Variants in SPATS2 observed in about 807,000 individuals in gnomAD.
SPATS2 encodes the protein spermatogenesis associated serine rich 2.
A neutral mutation model predicts 63.7 loss-of-function variants in SPATS2; 38 were observed. The ratio of observed to expected loss-of-function variants is 0.60; its 90% CI spans 0.46 to 0.78. SPATS2 has a LOEUF of 0.78. SPATS2 is among the 30% of genes least tolerant of loss of function. The probability of loss-of-function intolerance (pLI) is 0.00; values close to 1 mark genes in which losing one functional copy is unlikely to be tolerated. For missense variants in SPATS2, 588 were observed against 666.2 expected (o/e 0.88, Z 1.29); for synonymous variants, 207 against 232.9 (o/e 0.89, Z 1.01).
At chr12:49,505,401 A>G (rs939465516) in intron 9 of SPATS2, among the ~76,000 whole-genome samples, 2 of 152,198 alleles carry the variant, frequency 1.3e-5, no homozygotes, top group African/African-American at 4.8e-5. Flanking sequence ...CTGTGAAAAT[A>G]ATTACAGGTT....
intron 2 of SPATS2, among the ~76,000 whole-genome samples, chr12:49,437,845 G>A (rs1041353196): frequency 7.3e-5 from 11 of 151,280 alleles, no homozygotes; most frequent in African/African-American, 2.7e-4. Flanking sequence ...GAGACCGTGG[G>A]GAGAGGGAGA....
chr12:49,406,292 T>A (rs1291264616), intron 2 of SPATS2, among the ~76,000 whole-genome samples: 1 of 151,912 alleles, frequency 6.6e-6, no homozygotes, highest in Non-Finnish European at 1.5e-5. Flanking sequence ...AACTTTTTTT[T>A]TTTTTTTAAA....
intron 2 of SPATS2, among the ~76,000 whole-genome samples, chr12:49,421,157 C>T (rs1262016567): frequency 3.9e-5 from 6 of 152,096 alleles, no homozygotes; most frequent in Non-Finnish European, 8.8e-5. Flanking sequence ...CGGTGGCTAA[C>T]GCCTATAATC....
intron 2 of SPATS2, among the ~76,000 whole-genome samples, chr12:49,397,291 T>C (rs1043458749): frequency 1.3e-5 from 2 of 152,188 alleles, no homozygotes; most frequent in African/African-American, 2.4e-5. Flanking sequence ...TCATAGTTTT[T>C]TATTAGAATG....
intron 9 of SPATS2, among the ~76,000 whole-genome samples, chr12:49,508,370 G>A (rs1430976633): frequency 3.9e-5 from 6 of 152,110 alleles, no homozygotes; most frequent in South Asian, 4.1e-4. Context: ...ACTACACCCG[G>A]CTAATTTTTG....
At chr12:49,374,027 A>C (rs748359290) in intron 2 of SPATS2, among the ~76,000 whole-genome samples, 8 of 152,092 alleles carry the variant, frequency 5.3e-5, no homozygotes, top group Non-Finnish European at 8.8e-5. Flanking sequence ...TTGAGATTGT[A>C]GTGAGCTATG....
intron 2 of SPATS2, chr12:49,389,801 G>A (rs1038462699): frequency 9.2e-7 from 1 of 1,092,770 alleles, no homozygotes; most frequent in African/African-American, 1.5e-5. Flanking sequence ...AACATCAGTC[G>A]GCCTTGGAAC....
At chr12:49,515,081 T>C (rs1196818214) in intron 10 of SPATS2, among the ~76,000 whole-genome samples, 1 of 152,198 alleles carries the variant, frequency 6.6e-6, no homozygotes, top group Admixed American at 6.5e-5. Flanking sequence ...GTGTCTGTTA[T>C]CAATGGGTAG....
In SPATS2 at chr12:49,391,597, A is replaced by G. The variant is rs547615345; in HGVS notation, c.-244+20307A>G. Reference sequence around the variant, plus strand: ...ACCAGTTATGGAAATGTGCTTTAACATCAGTTGAAACCTAAATTTTCTAAT... The same window carrying G: ...ACCAGTTATGGAAATGTGCTTTAACGTCAGTTGAAACCTAAATTTTCTAAT... On this transcript the variant is annotated intron_variant, in intron 2 of 13. Transcript: ENST00000552918. 2.0e-5 allele frequency among the ~76,000 whole-genome samples: 3 copies of G among 152,362 alleles called. No individual in the cohort carries two copies. The East Asian group carries it at 5.8e-4, about 29-fold the overall frequency.
intron 10 of SPATS2, among the ~76,000 whole-genome samples, chr12:49,515,633 A>T (rs1402910469): frequency 2.0e-5 from 3 of 152,256 alleles, no homozygotes; most frequent in African/African-American, 4.8e-5. Context: ...TTGACATTTC[A>T]GTCCATTATT....
intron 2 of SPATS2, among the ~76,000 whole-genome samples, chr12:49,452,921 G>A (rs1440790822): frequency 6.6e-6 from 1 of 151,924 alleles, no homozygotes; most frequent in Non-Finnish European, 1.5e-5. Flanking sequence ...ACTTTGGGAG[G>A]CCGAGGCGGG....
chr12:49,393,851 T>C (rs1944461448), intron 2 of SPATS2, among the ~76,000 whole-genome samples: 1 of 152,108 alleles, frequency 6.6e-6, no homozygotes, highest in Non-Finnish European at 1.5e-5. Flanking sequence ...TATTTTTATG[T>C]TTATTTTTAT....
At chr12:49,499,391 GTTGTTTTGTTTTGTT>G (rs367735131) in intron 8 of SPATS2, among the ~76,000 whole-genome samples, 5,025 of 146,504 alleles carry the variant, frequency 0.034, 312 homozygotes, top group African/African-American at 0.12. Flanking sequence ...GTTCTGCCTG[GTTGTTTTGTTTTGTT>G]TTGTTTTGTT....
intron 3 of SPATS2, chr12:49,462,346 C>A: frequency 1.4e-6 from 1 of 702,358 alleles, no homozygotes; most frequent in Middle Eastern, 2.3e-4. Context: ...TGCTTCAGTA[C>A]CAGCAGGGGT....
chr12:49,516,138 CAAAAAAAAAAAAAAAAA>C (rs57936702), intron 10 of SPATS2, among the ~76,000 whole-genome samples: 2 of 3,480 alleles, frequency 5.7e-4, no homozygotes, highest in African/African-American at 1.4e-3. Flanking sequence ...GACTCCATCT[CAAAAAAAAAAAAAAAAA>C]AAAAAAAAAA....
intron 7 of SPATS2, 106 bp downstream of exon 7, chr12:49,495,108 T>G (rs1290753191): frequency 1.0e-5 from 12 of 1,192,880 alleles, no homozygotes; most frequent in Non-Finnish European, 1.3e-5. Context: ...TTTTATCCAG[T>G]GCTTGCTGAT....
intron 9 of SPATS2, among the ~76,000 whole-genome samples, chr12:49,513,221 G>A (rs1410120408): frequency 6.6e-6 from 1 of 151,102 alleles, no homozygotes; most frequent in Non-Finnish European, 1.5e-5. Context: ...GTGTGTGTGT[G>A]TGTGTGTGTG....
Position 49,524,832 on chromosome 12 carries a change from C to A in SPATS2, c.1262C>A (p.Ala421Glu), listed in dbSNP as rs773456601. Residue 421 changes from alanine to glutamate, a missense_variant, in exon 13 of 14, where the codon GCA becomes GAA. Transcript: ENST00000552918. ...ACAAGTGCTAACAAGAAAAACTTTG[C>A]ACCGGGAGAGACTCCTGCAGCCATA... Reference protein sequence around the residue: ...SLTSANKKNFAPGETPAAIAN... With the variant: ...SLTSANKKNFEPGETPAAIAN... The A allele has an allele frequency of 6.2e-7, 1 of 1,613,972 alleles. No homozygotes were observed. Among genetic ancestry groups the A allele is most frequent in the Non-Finnish European group, 8.5e-7 (1 of 1,180,018 alleles).
intron 3 of SPATS2, among the ~76,000 whole-genome samples, chr12:49,477,620 G>A (rs1380604319): frequency 6.6e-6 from 1 of 152,044 alleles, no homozygotes; most frequent in African/African-American, 2.4e-5. Flanking sequence ...CAACAAAGAT[G>A]GCGTTACTCT....
Sources: gnomAD v4.1 joint callset for allele counts (sites outside exome capture counted in the v4.1 genomes callset) on GRCh38, gnomAD v4.1.1 for gene constraint, MANE v1.5 for transcripts, NCBI Gene and HGNC (gene_info 2026-07-23, HGNC 2026-07-21) for gene names.